The following BMP2K variants were observed in gnomAD, a reference collection of about 807,000 sequenced individuals.
BMP2K encodes the protein BMP2 inducible kinase.
In BMP2K, 74 loss-of-function variants were observed where a neutral mutation model predicts 116.0. That is an observed-to-expected ratio of 0.64 (90% confidence interval 0.53 to 0.77). The LOEUF is 0.77. BMP2K is among the 30% of genes least tolerant of loss of function. The pLI is 0.00. For synonymous variants in BMP2K, 486 were observed against 502.5 expected (o/e 0.97, Z 0.44); for missense variants, 1,365 against 1,403.6 (o/e 0.97, Z 0.44).
At chr4:78,910,413 C>T (rs1041783141) in intron 15 of BMP2K, among the ~76,000 whole-genome samples, 197 bp from the exon 16 acceptor site, 2 of 152,144 alleles carry the variant, frequency 1.3e-5, no homozygotes, top group African/African-American at 4.8e-5. Context: ...AGTCTGTCTA[C>T]ATTAAGACTT....
At chr4:78,865,075 G>C (rs998375361) in intron 9 of BMP2K, among the ~76,000 whole-genome samples, 1 of 152,178 alleles carries the variant, frequency 6.6e-6, no homozygotes, top group African/African-American at 2.4e-5. Flanking sequence ...GGTGGCATCT[G>C]TTAAAAGTTT....
chr4:78,859,472 A>G (rs1487819444), intron 7 of BMP2K, 112 bp from the exon 8 acceptor site: 11 of 630,120 alleles, frequency 1.7e-5, no homozygotes, highest in Non-Finnish European at 2.5e-5. Context: ...TAGAATCATC[A>G]CTGATCTTAG....
chr4:78,863,819 A>C (rs1428575867), intron 9 of BMP2K, among the ~76,000 whole-genome samples: 2 of 152,150 alleles, frequency 1.3e-5, no homozygotes, highest in African/African-American at 4.8e-5. Flanking sequence ...CTGCCTAATA[A>C]AGTCAAACTT....
At chr4:78,856,190 C>T (rs1731499401) in intron 7 of BMP2K, among the ~76,000 whole-genome samples, 2 of 151,934 alleles carry the variant, frequency 1.3e-5, no homozygotes, top group Admixed American at 1.3e-4. Context: ...TTCTTTCTTT[C>T]TTTCTTTTTT....
chr4:78,829,011 T>C (rs1270882829), intron 2 of BMP2K, among the ~76,000 whole-genome samples: 1 of 152,208 alleles, frequency 6.6e-6, no homozygotes, highest in African/African-American at 2.4e-5. Flanking sequence ...AGCGGTAGGA[T>C]ATAAATAACT....
At chr4:78,851,978 A>G (rs1318401170) in intron 7 of BMP2K, among the ~76,000 whole-genome samples, 2 of 152,114 alleles carry the variant, frequency 1.3e-5, no homozygotes, top group Non-Finnish European at 2.9e-5. Flanking sequence ...CAAATGTCTA[A>G]GTTTTATAAT....
intron 15 of BMP2K, among the ~76,000 whole-genome samples, chr4:78,888,992 C>G (rs1177909229): frequency 6.6e-6 from 1 of 152,128 alleles, no homozygotes; most frequent in East Asian, 1.9e-4. Context: ...GAGGCCAAGG[C>G]AGGCGGATCA....
At chr4:78,813,630 C>G (rs903601151) in intron 1 of BMP2K, among the ~76,000 whole-genome samples, 1 of 152,172 alleles carries the variant, frequency 6.6e-6, no homozygotes, top group Non-Finnish European at 1.5e-5. Context: ...GTTCTCTTTA[C>G]CTGGAATGTA....
At chr4:78,817,782 C>G (rs1260277356) in intron 1 of BMP2K, among the ~76,000 whole-genome samples, 2 of 152,098 alleles carry the variant, frequency 1.3e-5, no homozygotes, top group Non-Finnish European at 2.9e-5. Context: ...TCTGTCTAAC[C>G]TCTAGTTGGT....
At chr4:78,862,686 G>A (rs974674314) in intron 9 of BMP2K, among the ~76,000 whole-genome samples, 7 of 152,066 alleles carry the variant, frequency 4.6e-5, no homozygotes, top group African/African-American at 1.7e-4. Context: ...GGTTGTGACT[G>A]TGTTGTAAAT....
At chr4:78,859,916 T>A (rs2110044235) in intron 8 of BMP2K, 1 of 561,200 alleles carries the variant, frequency 1.8e-6, no homozygotes, top group East Asian at 3.2e-5. Context: ...CAGAATATTT[T>A]GCATTTTTGA....
chr4:78,874,794 G>A (rs917011210), intron 13 of BMP2K, among the ~76,000 whole-genome samples: 3 of 152,164 alleles, frequency 2.0e-5, no homozygotes, highest in African/African-American at 7.2e-5. Flanking sequence ...GCTGATGCCT[G>A]TAATGTATAT....
intron 15 of BMP2K, among the ~76,000 whole-genome samples, chr4:78,893,250 G>C (rs1191900984): frequency 2.0e-5 from 3 of 152,194 alleles, no homozygotes; most frequent in Non-Finnish European, 4.4e-5. Context: ...CTCCTCATCT[G>C]TTCCAGTTTG....
At chr4:78,829,395 G>GTT (rs1161491112) in intron 2 of BMP2K, among the ~76,000 whole-genome samples, 1 of 136,554 alleles carries the variant, frequency 7.3e-6, no homozygotes, top group Non-Finnish European at 1.5e-5. Context: ...CTTAATTATA[G>GTT]TTTTTTGTTT....
intron 1 of BMP2K, among the ~76,000 whole-genome samples, chr4:78,781,398 C>T (rs951690245): frequency 2.7e-5 from 4 of 150,942 alleles, no homozygotes; most frequent in African/African-American, 4.9e-5. Flanking sequence ...GTGAAAGTAC[C>T]GTTTGGGAAC....
At position 78,833,588 on chromosome 4, in the gene BMP2K, C is replaced by G. The variant is rs150783429; in HGVS notation, c.304C>G (p.Leu102Val). The stretch of plus-strand genomic sequence containing the variant: ...TTTTTTTTTTTCTTTCCAGAAAGAG[C>G]TATCTGGTCACAAAAATATTGTGGG... ...CKREITIMKE[L>V]SGHKNIVGYL... Residue 102 changes from leucine (L) to valine (V), a missense_variant, in exon 3 of 16, where the codon CTA (leucine) becomes GTA (valine). Transcript: ENST00000502613. 7.6e-6 allele frequency: 12 copies of G among 1,582,198 alleles called. No homozygotes were observed. Among genetic ancestry groups the G allele is most frequent in the Non-Finnish European group, 1.0e-5 (12 of 1,168,906 alleles).
chr4:78,898,518 T>C (rs191198058), intron 15 of BMP2K, among the ~76,000 whole-genome samples: 7 of 151,112 alleles, frequency 4.6e-5, no homozygotes, highest in Non-Finnish European at 3.0e-5. Context: ...GGAAGGACTT[T>C]AAAACAGGAA....
intron 1 of BMP2K, among the ~76,000 whole-genome samples, chr4:78,816,022 A>T (rs796513526): frequency 6.6e-6 from 1 of 152,210 alleles, no homozygotes; most frequent in African/African-American, 2.4e-5. Context: ...TACGTATTGC[A>T]TAGAATGACC....
chr4:78,791,178 C>T (rs1727979394), intron 1 of BMP2K, among the ~76,000 whole-genome samples: 1 of 152,070 alleles, frequency 6.6e-6, no homozygotes, highest in Non-Finnish European at 1.5e-5. Context: ...CCTACTCTTT[C>T]CTTCCTTCAT....
Sources: allele counts gnomAD v4.1 joint callset (sites outside exome capture counted in the v4.1 genomes callset), GRCh38; gene constraint gnomAD v4.1.1; transcripts MANE v1.5; gene names NCBI Gene and HGNC (gene_info 2026-07-23, HGNC 2026-07-21).